The following KCNIP4 variants were observed in gnomAD, a reference collection of about 807,000 sequenced individuals.
The protein encoded by KCNIP4 is Kv channel-interacting protein 4.
KCNIP4 carries 12 observed loss-of-function variants against 34.0 expected under a neutral mutation model. The observed-to-expected ratio is 0.35, with a 90% confidence interval of 0.23 to 0.57. The LOEUF is 0.57. Ranked by LOEUF, KCNIP4 falls within the 20% of genes least tolerant of loss-of-function variation. The probability of loss-of-function intolerance (pLI) is 0.83; values close to 1 mark genes in which losing one functional copy is unlikely to be tolerated. For missense variants in KCNIP4, 238 were observed against 311.7 expected (o/e 0.76, Z 1.78); for synonymous variants, 124 against 102.2 (o/e 1.21, Z -1.29).
intron 1 of KCNIP4, among the ~76,000 whole-genome samples, chr4:21,575,603 T>C (rs1487630006): frequency 6.6e-6 from 1 of 152,192 alleles, no homozygotes; most frequent in African/African-American, 2.4e-5. Flanking sequence ...TTTTCTGTTA[T>C]CTGCATAATT....
chr4:20,962,015 C>G (rs1029120760), intron 1 of KCNIP4, among the ~76,000 whole-genome samples: 1 of 152,204 alleles, frequency 6.6e-6, no homozygotes, highest in Non-Finnish European at 1.5e-5. Context: ...CTAAACCACC[C>G]TGGCATCACT....
In KCNIP4 at chr4:20,916,286, C is replaced by T. The variant is rs945417483; in HGVS notation, c.62-33577G>A. 4 of 983,352 alleles carry T rather than the reference C, an allele frequency of 4.1e-6. No individual in the cohort carries two copies. The African/African-American group carries it at 7.0e-5, about 17-fold the overall frequency. 60.9% of individuals were successfully genotyped at this position (983,352 alleles called of 1,614,324 possible). On this transcript the variant is annotated intron_variant, in intron 1 of 8. Transcript: ENST00000382152. ...TCTGACCTCCACCCACATTTCCTGCCCACGTAACCTCAGAGTGGCTTTTTA... is the reference window on the plus strand; with the variant it reads ...TCTGACCTCCACCCACATTTCCTGCTCACGTAACCTCAGAGTGGCTTTTTA...
chr4:20,821,882 C>G (rs527675962), intron 3 of KCNIP4, among the ~76,000 whole-genome samples: 1 of 150,484 alleles, frequency 6.6e-6, no homozygotes, highest in African/African-American at 2.4e-5. Flanking sequence ...ATCTATGTAT[C>G]TCTCTCTCTC....
intron 5 of KCNIP4, among the ~76,000 whole-genome samples, chr4:20,736,541 GA>G (rs1749673139): frequency 6.6e-6 from 1 of 152,018 alleles, no homozygotes; most frequent in African/African-American, 2.4e-5. Flanking sequence ...GCTGCAAATG[GA>G]ATTAATTTTA....
chr4:21,033,682 T>C (rs920110127), intron 1 of KCNIP4, among the ~76,000 whole-genome samples: 8 of 152,208 alleles, frequency 5.3e-5, no homozygotes, highest in African/African-American at 1.9e-4. Context: ...ATTTACTGAA[T>C]GAATGATTGA....
intron 1 of KCNIP4, among the ~76,000 whole-genome samples, chr4:21,298,584 A>G (rs748937143): frequency 1.3e-5 from 2 of 152,082 alleles, no homozygotes; most frequent in African/African-American, 4.8e-5. Flanking sequence ...TCCCAAAGCA[A>G]AACAGATCGA....
intron 1 of KCNIP4, among the ~76,000 whole-genome samples, chr4:21,465,833 A>C (rs921496948): frequency 2.0e-5 from 3 of 152,208 alleles, no homozygotes; most frequent in Non-Finnish European, 4.4e-5. Context: ...CTGGACTTAC[A>C]TGTGAGTTCT....
chr4:21,760,442 ATGTT>A (rs1717971868), intron 1 of KCNIP4, among the ~76,000 whole-genome samples: 1 of 22,038 alleles, frequency 4.5e-5, no homozygotes, highest in African/African-American at 9.0e-4. Flanking sequence ...AATTAGATAC[ATGTT>A]CATGTTTTTA....
At chr4:21,920,505 A>C (rs964763577) in intron 1 of KCNIP4, among the ~76,000 whole-genome samples, 11 of 152,128 alleles carry the variant, frequency 7.2e-5, no homozygotes. Context: ...AAGGCTTCAT[A>C]GTGAGTACAG....
chr4:20,992,960 G>C (rs1240096551), intron 1 of KCNIP4, among the ~76,000 whole-genome samples: 1 of 150,074 alleles, frequency 6.7e-6, no homozygotes, highest in Admixed American at 6.7e-5. Flanking sequence ...CCTGGGGAGT[G>C]GAGGTTGCAG....
At chr4:21,692,087 T>G (rs542338492) in intron 1 of KCNIP4, among the ~76,000 whole-genome samples, 10 of 152,256 alleles carry the variant, frequency 6.6e-5, no homozygotes, top group Non-Finnish European at 1.2e-4. Flanking sequence ...ACAAGTGAGT[T>G]TTAAGAGTTT....
intron 1 of KCNIP4, among the ~76,000 whole-genome samples, chr4:21,518,943 C>G (rs1735015046): frequency 6.6e-6 from 1 of 152,038 alleles, no homozygotes; most frequent in South Asian, 2.1e-4. Context: ...GTTTTAAGCA[C>G]TTTAATTGAT....
At chr4:21,126,810 T>A (rs189460713) in intron 1 of KCNIP4, among the ~76,000 whole-genome samples, 4 of 152,262 alleles carry the variant, frequency 2.6e-5, no homozygotes, top group Non-Finnish European at 4.4e-5. Flanking sequence ...TTGATACCTT[T>A]AAATCTACAG....
intron 1 of KCNIP4, among the ~76,000 whole-genome samples, chr4:21,317,170 C>T (rs1425033869): frequency 1.3e-5 from 2 of 152,094 alleles, no homozygotes; most frequent in South Asian, 2.1e-4. Context: ...TATGGAGTAT[C>T]AAGTATTTCA....
At chr4:21,910,038 G>C (rs1382497353) in intron 1 of KCNIP4, among the ~76,000 whole-genome samples, 6 of 152,010 alleles carry the variant, frequency 3.9e-5, no homozygotes, top group Admixed American at 6.6e-5. Flanking sequence ...ATAAACATTA[G>C]GTGAATAAAC....
chr4:21,538,011 C>CAAAAAAAA (rs71191517), intron 1 of KCNIP4, among the ~76,000 whole-genome samples: 4 of 51,266 alleles, frequency 7.8e-5, no homozygotes, highest in African/African-American at 2.3e-4. Context: ...GATTCCGTCT[C>CAAAAAAAA]AAAAAAAAAA....
intron 1 of KCNIP4, among the ~76,000 whole-genome samples, chr4:21,506,653 A>G (rs1371776352): frequency 1.3e-5 from 2 of 152,252 alleles, no homozygotes; most frequent in African/African-American, 4.8e-5. Flanking sequence ...AAGGAGCTAC[A>G]TGGGTAAAAC....
At chr4:20,738,732 C>A (rs1441410580) in intron 5 of KCNIP4, among the ~76,000 whole-genome samples, 1 of 152,144 alleles carries the variant, frequency 6.6e-6, no homozygotes, top group Non-Finnish European at 1.5e-5. Context: ...TTCATCTAAA[C>A]TGGGACTTGT....
At chr4:21,540,819 T>TTTTGA (rs1189828572) in intron 1 of KCNIP4, among the ~76,000 whole-genome samples, 1 of 152,244 alleles carries the variant, frequency 6.6e-6, no homozygotes, top group Non-Finnish European at 1.5e-5. Flanking sequence ...TCAGTCCTTC[T>TTTTGA]TTTGAGGCCA....
Sources: gnomAD v4.1 joint callset for allele counts (sites outside exome capture counted in the v4.1 genomes callset) on GRCh38, gnomAD v4.1.1 for gene constraint, MANE v1.5 for transcripts, NCBI Gene and HGNC (gene_info 2026-07-23, HGNC 2026-07-21) for gene names.